The following TMEM108 variants were observed in gnomAD, a reference collection of about 807,000 sequenced individuals.
TMEM108 encodes cancer/testis antigen 124.
TMEM108 carries 12 observed loss-of-function variants against 35.1 expected under a neutral mutation model. The observed-to-expected ratio is 0.34, with a 90% CI of 0.22 to 0.55. The LOEUF (loss-of-function observed/expected upper bound fraction) is 0.55. Ranked by LOEUF, TMEM108 falls within the 20% of genes least tolerant of loss-of-function variation. TMEM108 has a pLI of 0.89. For synonymous variants in TMEM108, 287 were observed against 308.6 expected, an observed-to-expected ratio of 0.93 and a Z score of 0.73; for missense variants, 680 against 753.3, an observed-to-expected ratio of 0.90 and a Z score of 1.14.
At chr3:133,093,009 A>ATTT in intron 2 of TMEM108, among the ~76,000 whole-genome samples, 1 of 129,536 alleles carries the variant, frequency 7.7e-6, no homozygotes. Context: ...TTTTTTTTTG[A>ATTT]GATGGAGTCT....
Position 133,174,243 on chromosome 3 carries a change from G to A in TMEM108, c.-46-55023G>A, listed in dbSNP as rs151244191. On this transcript the variant is annotated intron_variant, in intron 2 of 5. Coordinates refer to ENST00000321871, the MANE Select transcript of TMEM108 (RefSeq NM_023943.4). ...GCCAGCCTGCCTCTGTAGACTCCAC[G>A]TCTGGGGACGGGGCATTGCCAAACA... Among the ~76,000 whole-genome samples the A allele has an allele frequency of 8.4e-3, 1,283 of 152,360 alleles. 13 individuals are homozygous for A. Among genetic ancestry groups the A allele is most frequent in the South Asian group, 0.032 (156 of 4,832 alleles).
chr3:133,284,511 A>G (rs753152524), intron 3 of TMEM108, among the ~76,000 whole-genome samples: 2 of 152,098 alleles, frequency 1.3e-5, no homozygotes, highest in Non-Finnish European at 2.9e-5. Flanking sequence ...GGCCACCTTC[A>G]CTACACAATG....
At chr3:133,147,368 C>G (rs527819751) in intron 2 of TMEM108, among the ~76,000 whole-genome samples, 3 of 151,966 alleles carry the variant, frequency 2.0e-5, no homozygotes, top group Non-Finnish European at 4.4e-5. Flanking sequence ...CTTATGTGTT[C>G]CCTTTTCTTT....
At chr3:133,047,827 A>G (rs775664865) in intron 2 of TMEM108, among the ~76,000 whole-genome samples, 1 of 152,156 alleles carries the variant, frequency 6.6e-6, no homozygotes, top group Non-Finnish European at 1.5e-5. Flanking sequence ...TAAATAGTCT[A>G]ATGAAGTAAT....
chr3:133,293,501 A>G (rs943904587), intron 3 of TMEM108, among the ~76,000 whole-genome samples: 3 of 151,908 alleles, frequency 2.0e-5, no homozygotes, highest in Non-Finnish European at 4.4e-5. Flanking sequence ...GATGCACTCA[A>G]GACCAAAGAT....
intron 3 of TMEM108, among the ~76,000 whole-genome samples, chr3:133,368,396 A>G (rs1298049130): frequency 2.0e-5 from 3 of 152,188 alleles, no homozygotes; most frequent in Non-Finnish European, 4.4e-5. Flanking sequence ...ACACTCTCAC[A>G]CCATCCTTTA....
At chr3:133,191,759 G>A (rs1945501113) in intron 2 of TMEM108, among the ~76,000 whole-genome samples, 1 of 152,156 alleles carries the variant, frequency 6.6e-6, no homozygotes. Context: ...ACTAGTGTAG[G>A]AATCAGATTG....
At chr3:133,299,297 T>G (rs186049970) in intron 3 of TMEM108, among the ~76,000 whole-genome samples, 13 of 152,322 alleles carry the variant, frequency 8.5e-5, no homozygotes, top group African/African-American at 2.6e-4. Flanking sequence ...TAGTGGCAGA[T>G]AGATTAACCA....
At chr3:133,062,832 C>A (rs542037696) in intron 2 of TMEM108, among the ~76,000 whole-genome samples, 1 of 152,274 alleles carries the variant, frequency 6.6e-6, no homozygotes, top group East Asian at 1.9e-4. Flanking sequence ...GTGTTTTTCT[C>A]CCTCTGGGCC....
At chr3:133,171,988 A>T (rs1945137076) in intron 2 of TMEM108, among the ~76,000 whole-genome samples, 1 of 152,180 alleles carries the variant, frequency 6.6e-6, no homozygotes, top group Non-Finnish European at 1.5e-5. Context: ...AGTTCCCATG[A>T]TTTATACATA....
chr3:133,233,059 C>T (rs1259953932), intron 3 of TMEM108, among the ~76,000 whole-genome samples: 10 of 144,696 alleles, frequency 6.9e-5, no homozygotes, highest in Non-Finnish European at 1.4e-4. Context: ...TATTATTATA[C>T]TTTAAGTTTT....
chr3:133,066,754 A>G (rs1559821682), intron 2 of TMEM108, among the ~76,000 whole-genome samples: 1 of 152,214 alleles, frequency 6.6e-6, no homozygotes, highest in East Asian at 1.9e-4. Flanking sequence ...TAAAAATAAA[A>G]CATAACCACT....
intron 2 of TMEM108, among the ~76,000 whole-genome samples, chr3:133,218,059 T>G (rs1945934922): frequency 6.6e-6 from 1 of 152,060 alleles, no homozygotes; most frequent in Non-Finnish European, 1.5e-5. Context: ...ACATAGGATG[T>G]CTTTCCATTT....
chr3:133,349,507 A>G (rs559770118), intron 3 of TMEM108, among the ~76,000 whole-genome samples: 108 of 152,264 alleles, frequency 7.1e-4, no homozygotes, highest in Non-Finnish European at 7.9e-4. Flanking sequence ...GAGTGAAGAG[A>G]TGGCCTAAAG....
intron 3 of TMEM108, among the ~76,000 whole-genome samples, chr3:133,242,885 G>C (rs1946332897): frequency 6.6e-6 from 1 of 152,188 alleles, no homozygotes; most frequent in Non-Finnish European, 1.5e-5. Context: ...GTATACAGCA[G>C]CTCAGGAGAG....
chr3:133,327,779 G>A (rs1337051554), intron 3 of TMEM108, among the ~76,000 whole-genome samples: 2 of 152,078 alleles, frequency 1.3e-5, no homozygotes, highest in Non-Finnish European at 2.9e-5. Context: ...AGGGTCAAAG[G>A]ATTCTAGAGT....
In TMEM108 at chr3:133,392,811, C is replaced by T. The variant is rs142843062; in HGVS notation, c.1605+2477C>T. 4.0e-3 allele frequency among the ~76,000 whole-genome samples: 609 copies of T among 152,308 alleles called. 4 individuals are homozygous for T. The highest frequency in any genetic ancestry group is 0.014 in the African/African-American group (567 of 41,556). On this transcript the variant is annotated intron_variant, in intron 5 of 5. Transcript: ENST00000321871. ...ATTGCCTGCACCTCTGCCCCTGATC[C>T]AAGCCAGTCTCCTCCCTCGCACCAT...
intron 3 of TMEM108, among the ~76,000 whole-genome samples, chr3:133,260,272 G>C (rs1559885153): frequency 7.7e-6 from 1 of 130,200 alleles, no homozygotes; most frequent in Non-Finnish European, 1.6e-5. Context: ...ACTAGTTAGG[G>C]AATCTAGACA....
intron 3 of TMEM108, among the ~76,000 whole-genome samples, chr3:133,261,895 G>C (rs1001033922): frequency 5.3e-5 from 8 of 152,210 alleles, no homozygotes; most frequent in Admixed American, 5.2e-4. Context: ...GGAAAACCAT[G>C]AGTTTGTGGT....
Sources: gnomAD v4.1 joint callset for allele counts (sites outside exome capture counted in the v4.1 genomes callset) on GRCh38, gnomAD v4.1.1 for gene constraint, MANE v1.5 for transcripts, NCBI Gene and HGNC (gene_info 2026-07-23, HGNC 2026-07-21) for gene names.